Variants in CNNM2 observed in about 807,000 individuals in gnomAD.
The protein encoded by CNNM2 is cyclin and CBS domain divalent metal cation transport mediator 2.
A neutral mutation model predicts 66.9 loss-of-function variants in CNNM2; 12 were observed. The observed-to-expected ratio is 0.18, with a 90% confidence interval of 0.11 to 0.29. CNNM2 has a LOEUF of 0.29. Ranked by LOEUF, CNNM2 falls within the 10% of genes least tolerant of loss-of-function variation. The pLI is 1.00. For synonymous variants in CNNM2, 557 were observed against 501.8 expected (o/e 1.11, Z -1.47); for missense variants, 705 against 1,167.7 (o/e 0.60, Z 5.77).
chr10:102,968,910 CTTTTT>C (rs767809554), intron 1 of CNNM2, among the ~76,000 whole-genome samples: 1 of 99,698 alleles, frequency 1.0e-5, no homozygotes. Flanking sequence ...CCAGTGCTGT[CTTTTT>C]TTTTTTTTTT....
intron 1 of CNNM2, among the ~76,000 whole-genome samples, chr10:102,972,862 G>A (rs2063567255): frequency 6.6e-6 from 1 of 152,146 alleles, no homozygotes; most frequent in African/African-American, 2.4e-5. Context: ...AGAAACTGCT[G>A]TACATTGTAC....
In CNNM2 at chr10:102,996,581, T is replaced by C. The variant is rs559313412; in HGVS notation, c.1622-53126T>C. On this transcript the variant is annotated intron_variant, in intron 1 of 7. Coordinates refer to ENST00000369878, the MANE Select transcript of CNNM2 (RefSeq NM_017649.5). ...TCAGTTGGGCATGGTGGCGCATGCC[T>C]GTAGTCCTAGTACTCGGGAGGCCGA... Among the ~76,000 whole-genome samples, 6 of 152,316 alleles carry C rather than the reference T, an allele frequency of 3.9e-5. No homozygotes were observed. The South Asian group carries it at 1.2e-3, about 32-fold the overall frequency.
At chr10:103,009,391 G>T (rs1216180315) in intron 1 of CNNM2, among the ~76,000 whole-genome samples, 1 of 152,074 alleles carries the variant, frequency 6.6e-6, no homozygotes, top group Non-Finnish European at 1.5e-5. Flanking sequence ...GAAAAATTTT[G>T]CTCAATAACT....
chr10:103,038,844 A>G (rs1366291559), intron 1 of CNNM2, among the ~76,000 whole-genome samples: 5 of 152,222 alleles, frequency 3.3e-5, no homozygotes, highest in African/African-American at 4.8e-5. Flanking sequence ...TGGCTTCTAT[A>G]TACAGCAAGT....
At chr10:103,046,222 T>A (rs1018466862) in intron 1 of CNNM2, among the ~76,000 whole-genome samples, 1 of 152,242 alleles carries the variant, frequency 6.6e-6, no homozygotes, top group Non-Finnish European at 1.5e-5. Flanking sequence ...CATGGTCTTC[T>A]GCTAGTAATG....
chr10:102,922,030 A>C (rs1203041309), intron 1 of CNNM2, among the ~76,000 whole-genome samples: 2 of 152,124 alleles, frequency 1.3e-5, no homozygotes, highest in African/African-American at 4.8e-5. Flanking sequence ...CAGAATTACC[A>C]CTCAGTATTT....
intron 1 of CNNM2, among the ~76,000 whole-genome samples, chr10:102,959,316 A>C (rs1280565052): frequency 6.6e-6 from 1 of 152,224 alleles, no homozygotes; most frequent in Admixed American, 6.6e-5. Context: ...GGGATTCTCA[A>C]GCTTTTTGTA....
chr10:102,984,216 A>G (rs2063761629), intron 1 of CNNM2, among the ~76,000 whole-genome samples: 1 of 152,236 alleles, frequency 6.6e-6, no homozygotes, highest in Non-Finnish European at 1.5e-5. Context: ...ATCCAAGACA[A>G]TAAATAAAGC....
intron 1 of CNNM2, among the ~76,000 whole-genome samples, chr10:103,000,185 G>A (rs552314628): frequency 1.8e-4 from 27 of 151,882 alleles, no homozygotes; most frequent in African/African-American, 3.4e-4. Flanking sequence ...GCAGTGAGCC[G>A]ATATCATGCC....
At chr10:102,958,006 G>A (rs1847109008) in intron 1 of CNNM2, among the ~76,000 whole-genome samples, 1 of 152,178 alleles carries the variant, frequency 6.6e-6, no homozygotes, top group African/African-American at 2.4e-5. Context: ...GCACGATCTT[G>A]GCTCACTGCA....
At chr10:103,036,313 C>T (rs2064937686) in intron 1 of CNNM2, among the ~76,000 whole-genome samples, 1 of 152,186 alleles carries the variant, frequency 6.6e-6, no homozygotes, top group African/African-American at 2.4e-5. Flanking sequence ...AATTTCTTCT[C>T]TCCTTCAGAA....
At chr10:103,042,578 G>A (rs1276292066) in intron 1 of CNNM2, among the ~76,000 whole-genome samples, 1 of 152,140 alleles carries the variant, frequency 6.6e-6, no homozygotes, top group African/African-American at 2.4e-5. Flanking sequence ...TTGTGGTATG[G>A]GCCTGGCACA....
intron 2 of CNNM2, among the ~76,000 whole-genome samples, chr10:103,051,677 T>C (rs1472472270): frequency 2.0e-5 from 3 of 151,454 alleles, no homozygotes; most frequent in East Asian, 3.9e-4. Context: ...GAGGTGGAGG[T>C]TGCAGTGAGC....
rs553343599 is a variant in CNNM2 at position 103,075,261 on chromosome 10, A to C, written c.2234-825A>C. Among the ~76,000 whole-genome samples, 12 of 152,360 alleles carry C rather than the reference A, an allele frequency of 7.9e-5. No individual in the cohort carries two copies. In the South Asian group the frequency reaches 2.5e-3, roughly 32 times the overall value. On this transcript the variant is annotated intron_variant, in intron 6 of 7. Transcript: ENST00000369878. ...ATACGATGCAATTCAAGACCTGGCC[A>C]GGGTGGGCACACAGTTCCTATCTGC...
chr10:103,089,666 T>G lies in CNNM2; in HGVS notation c.*12486T>G, dbSNP rs769565424. ...TAATGGGTGCTTGGGGTTTTGGTTT[T>G]CCTCCTTATTCTTCCTCCTCCTCCT... On this transcript the variant is annotated 3_prime_UTR_variant, in exon 8 of 8. Coordinates refer to ENST00000369878, the MANE Select transcript of CNNM2 (RefSeq NM_017649.5). 5.7e-6 allele frequency: 9 copies of G among 1,586,526 alleles called. No individual in the cohort carries two copies. The highest frequency in any genetic ancestry group is 7.7e-6 in the Non-Finnish European group (9 of 1,166,690).
chr10:103,077,659 G>C lies in CNNM2; in HGVS notation c.*479G>C, dbSNP rs1339000278. On this transcript the variant is annotated 3_prime_UTR_variant, in exon 8 of 8. Coordinates refer to ENST00000369878, the MANE Select transcript of CNNM2 (RefSeq NM_017649.5). ...CCGGTAGCCTTCCTTGGCCCTCCCA[G>C]CGAGGGGCACCCTTCCTCTGTGCCC... is the stretch of plus-strand genomic sequence containing the variant. 2 of 159,216 alleles carry C rather than the reference G, an allele frequency of 1.3e-5. No homozygotes were observed. Among genetic ancestry groups the C allele is most frequent in the Non-Finnish European group, 2.8e-5 (2 of 72,208 alleles). 9.9% of individuals were successfully genotyped at this position (159,216 alleles called of 1,614,324 possible).
At chr10:103,006,061 T>C (rs556525332) in intron 1 of CNNM2, among the ~76,000 whole-genome samples, 1 of 152,310 alleles carries the variant, frequency 6.6e-6, no homozygotes, top group African/African-American at 2.4e-5. Flanking sequence ...TTTCCGAGGT[T>C]ATTTCTTTCT....
intron 1 of CNNM2, among the ~76,000 whole-genome samples, chr10:103,009,790 T>C (rs2064305300): frequency 6.6e-6 from 1 of 151,772 alleles, no homozygotes. Context: ...AAATGAGATA[T>C]ATCCAGAAAA....
rs12573199 is a variant in CNNM2 at position 103,089,087 on chromosome 10, A to T, written c.*11907A>T. 5,143 of 225,526 alleles carry T rather than the reference A, an allele frequency of 0.023. 113 individuals are homozygous for T. Among genetic ancestry groups the T allele is most frequent in the South Asian group, 0.11 (613 of 5,478 alleles). 14.0% of individuals were successfully genotyped at this position (225,526 alleles called of 1,614,324 possible). ...ATAGAATCCTGCCCTAAAGCAACGC[A>T]AGTAGAGCATACTTCTGTGCAAAGC... On this transcript the variant is annotated 3_prime_UTR_variant, in exon 8 of 8. Transcript: ENST00000369878.
Sources: allele counts gnomAD v4.1 joint callset (sites outside exome capture counted in the v4.1 genomes callset), GRCh38; gene constraint gnomAD v4.1.1; transcripts MANE v1.5; gene names NCBI Gene and HGNC (gene_info 2026-07-23, HGNC 2026-07-21).